LRRC8B: variants seen among roughly 807,000 people sequenced by gnomAD.
LRRC8B encodes the protein volume-regulated anion channel subunit LRRC8B.
Under a neutral mutation model 58.8 loss-of-function variants are expected in LRRC8B, and 23 were observed. The observed-to-expected ratio is 0.39, with a 90% CI of 0.28 to 0.55. The LOEUF (loss-of-function observed/expected upper bound fraction) is 0.55. Ranked by LOEUF, LRRC8B falls within the 20% of genes least tolerant of loss-of-function variation. The pLI, the probability that LRRC8B is intolerant of heterozygous loss-of-function variation, is 0.62. For synonymous variants in LRRC8B, 359 were observed against 374.1 expected, an observed-to-expected ratio of 0.96 and a Z score of 0.47; for missense variants, 694 against 936.0, an observed-to-expected ratio of 0.74 and a Z score of 3.37.
At chr1:89,551,462 A>C (rs1462078441) in intron 1 of LRRC8B, among the ~76,000 whole-genome samples, 1 of 152,154 alleles carries the variant, frequency 6.6e-6, no homozygotes, top group Non-Finnish European at 1.5e-5. Context: ...GTTCCACTCC[A>C]CTATTTAATC....
At chr1:89,529,095 A>G (rs1196513015) in intron 1 of LRRC8B, among the ~76,000 whole-genome samples, 2 of 152,138 alleles carry the variant, frequency 1.3e-5, no homozygotes, top group Non-Finnish European at 2.9e-5. Flanking sequence ...TTTTTTCTTG[A>G]CTAGTATTGT....
chr1:89,579,760 C>T (rs1654092137), intron 4 of LRRC8B, 72 bp downstream of exon 4: 1 of 152,680 alleles, frequency 6.5e-6, no homozygotes, highest in African/African-American at 2.4e-5. Flanking sequence ...AATATTCACT[C>T]TGTCAAATAC....
intron 1 of LRRC8B, among the ~76,000 whole-genome samples, chr1:89,549,413 G>A (rs1220782102): frequency 6.6e-6 from 1 of 152,148 alleles, no homozygotes; most frequent in Non-Finnish European, 1.5e-5. Flanking sequence ...GAAGTAGCTT[G>A]GAAAGGGAGC....
chr1:89,585,066 C>T (rs565986592), intron 5 of LRRC8B, among the ~76,000 whole-genome samples: 46 of 152,306 alleles, frequency 3.0e-4, no homozygotes, highest in African/African-American at 1.1e-3. Flanking sequence ...CAGTTTTCTA[C>T]ATAAACATCA....
intron 1 of LRRC8B, among the ~76,000 whole-genome samples, chr1:89,558,251 C>T (rs1438663796): frequency 6.6e-6 from 1 of 152,124 alleles, no homozygotes; most frequent in Non-Finnish European, 1.5e-5. Context: ...GTCTGCCCTG[C>T]ATTTTGGGGT....
chr1:89,591,416 T>C (rs1466355476), intron 5 of LRRC8B, among the ~76,000 whole-genome samples: 2 of 152,184 alleles, frequency 1.3e-5, no homozygotes, highest in East Asian at 1.9e-4. Flanking sequence ...TCTGCATATG[T>C]AGGGTTTGCA....
At chr1:89,565,005 C>T (rs1037361342) in intron 1 of LRRC8B, among the ~76,000 whole-genome samples, 6 of 152,178 alleles carry the variant, frequency 3.9e-5, no homozygotes, top group East Asian at 1.9e-4. Context: ...TGATCATTAT[C>T]AGACGTTATT....
intron 1 of LRRC8B, among the ~76,000 whole-genome samples, chr1:89,536,701 G>C (rs531393371): frequency 6.6e-6 from 1 of 152,206 alleles, no homozygotes; most frequent in Non-Finnish European, 1.5e-5. Context: ...AATGGTTCTT[G>C]TTGGGGATTA....
At chr1:89,547,471 A>G (rs993978605) in intron 1 of LRRC8B, among the ~76,000 whole-genome samples, 6 of 152,174 alleles carry the variant, frequency 3.9e-5, no homozygotes, top group African/African-American at 1.4e-4. Context: ...ACCTTTGTGT[A>G]TGTTTAAAAT....
chr1:89,587,354 T>G (rs1185499479), intron 5 of LRRC8B, among the ~76,000 whole-genome samples: 2 of 152,060 alleles, frequency 1.3e-5, no homozygotes, highest in African/African-American at 4.8e-5. Context: ...GCCAATATGG[T>G]GAAACCCCAT....
At chr1:89,562,803 T>G (rs59819621) in intron 1 of LRRC8B, among the ~76,000 whole-genome samples, 160 of 152,148 alleles carry the variant, frequency 1.1e-3, no homozygotes, top group African/African-American at 3.8e-3. Flanking sequence ...CCTAAACATT[T>G]TCTAGACAAA....
Position 89,596,119 on chromosome 1 carries a change from T to C in LRRC8B, c.*3076T>C, listed in dbSNP as rs1267085963. 1 of 152,108 alleles carries C rather than the reference T, an allele frequency of 6.6e-6. No individual in the cohort carries two copies. The highest frequency in any genetic ancestry group is 2.4e-5 in the African/African-American group (1 of 41,432). The allele number at this position is 152,108 out of a possible 1,614,324, so 9.4% of individuals were successfully genotyped here. On this transcript the variant is annotated 3_prime_UTR_variant, in exon 6 of 6. Coordinates refer to ENST00000330947, the MANE Select transcript of LRRC8B (RefSeq NM_001369817.2). ...TTAAGTATGATAGCACGTTTTTTAATTCATTAATCATGAAGTGCTCTGTTC... is the reference window on the plus strand; with the variant it reads ...TTAAGTATGATAGCACGTTTTTTAACTCATTAATCATGAAGTGCTCTGTTC...
At chr1:89,567,192 G>T (rs1012370756) in intron 1 of LRRC8B, among the ~76,000 whole-genome samples, 1 of 152,152 alleles carries the variant, frequency 6.6e-6, no homozygotes, top group Non-Finnish European at 1.5e-5. Flanking sequence ...ATTCTAAGAA[G>T]CATTGTCATT....
chr1:89,526,494 T>G (rs1212084732), intron 1 of LRRC8B, among the ~76,000 whole-genome samples: 1 of 152,144 alleles, frequency 6.6e-6, no homozygotes, highest in Non-Finnish European at 1.5e-5. Flanking sequence ...GGATTACAGG[T>G]GTGACCCCAA....
intron 3 of LRRC8B, among the ~76,000 whole-genome samples, chr1:89,571,186 C>T (rs1485162423): frequency 6.6e-6 from 1 of 152,086 alleles, no homozygotes; most frequent in East Asian, 1.9e-4. Context: ...ATTGCCTTGG[C>T]TGTGCAGGTT....
At chr1:89,541,220 A>G (rs1457827937) in intron 1 of LRRC8B, among the ~76,000 whole-genome samples, 1 of 152,202 alleles carries the variant, frequency 6.6e-6, no homozygotes, top group Non-Finnish European at 1.5e-5. Flanking sequence ...AGAAAGCTAA[A>G]AAATTATGGG....
At chr1:89,561,868 C>T (rs113118100) in intron 1 of LRRC8B, among the ~76,000 whole-genome samples, 1,708 of 151,800 alleles carry the variant, frequency 0.011, 19 homozygotes, top group South Asian at 0.035. Context: ...CTTGGCAATG[C>T]GGGCTCTTTT....
intron 1 of LRRC8B, among the ~76,000 whole-genome samples, chr1:89,562,543 G>A (rs1360058377): frequency 2.0e-5 from 3 of 151,550 alleles, no homozygotes; most frequent in Non-Finnish European, 2.9e-5. Flanking sequence ...GTGCAGTCTC[G>A]GCTCACTGCA....
chr1:89,584,448 A>G lies in LRRC8B; in HGVS notation c.1798A>G (p.Ile600Val), dbSNP rs1268310555. The change falls in exon 5 of 6, where the codon ATC becomes GTC. Residue 600 changes from isoleucine (I) to valine (V), a missense_variant. Physicochemically the swap from Ile to Val is conservative, Grantham distance 29. This residue lies in a region of LRRC8B where 53 missense variants were observed against 112.3 expected (regional missense o/e 0.47). Transcript: ENST00000330947. ...LELISCDLERIPHSIFSLNNL... is the reference protein window; with the variant it reads ...LELISCDLERVPHSIFSLNNL... ...ACTGATCAGCTGTGACCTGGAACGC[A>G]TCCCACATTCCATTTTCAGCCTGAA... is the stretch of plus-strand genomic sequence containing the variant. The G allele has an allele frequency of 1.2e-6, 2 of 1,614,180 alleles. No homozygotes were observed. The highest frequency in any genetic ancestry group is 2.2e-5 in the South Asian group (2 of 91,084).
Sources: gnomAD v4.1 joint callset for allele counts (sites outside exome capture counted in the v4.1 genomes callset) on GRCh38, gnomAD v4.1.1 for gene constraint, gnomAD v4.1.1 regional missense constraint, MANE v1.5 for transcripts, NCBI Gene and HGNC (gene_info 2026-07-23, HGNC 2026-07-21) for gene names.